ARHGEF28: variants seen among roughly 807,000 people sequenced by gnomAD.
ARHGEF28 encodes the protein Rho guanine nucleotide exchange factor 28.
In ARHGEF28, 152 loss-of-function variants were observed where a neutral mutation model predicts 206.6. That is an observed-to-expected ratio of 0.74 (90% CI 0.64 to 0.84). ARHGEF28 has a LOEUF of 0.84. Ranked by LOEUF, ARHGEF28 falls within the 40% of genes least tolerant of loss-of-function variation. The pLI is 0.00. For synonymous variants in ARHGEF28, 763 were observed against 776.4 expected (o/e 0.98, Z 0.29); for missense variants, 2,028 against 2,073.2 (o/e 0.98, Z 0.42).
At chr5:73,716,721 A>G (rs2112320503) in intron 2 of ARHGEF28, among the ~76,000 whole-genome samples, 1 of 152,332 alleles carries the variant, frequency 6.6e-6, no homozygotes, top group Non-Finnish European at 1.5e-5. Context: ...GTCCGTAGTA[A>G]TATCAGTGCT....
At chr5:73,836,887 A>G (rs1757676667) in intron 10 of ARHGEF28, among the ~76,000 whole-genome samples, 1 of 152,026 alleles carries the variant, frequency 6.6e-6, no homozygotes, top group South Asian at 2.1e-4. Flanking sequence ...GTAGCTATCC[A>G]GTTTTCCTAG....
In ARHGEF28 at chr5:73,868,191, G is replaced by C; in HGVS notation, c.2389G>C (p.Gly797Arg). The C allele has an allele frequency of 6.3e-7, 1 of 1,597,306 alleles. No individual in the cohort carries two copies. Among genetic ancestry groups the C allele is most frequent in the Non-Finnish European group, 8.5e-7 (1 of 1,171,196 alleles). The change falls in exon 20 of 36, where the codon GGC (glycine) becomes CGC (arginine). Residue 797 changes from glycine to arginine, a missense_variant. Physicochemically the swap from Gly to Arg is moderately radical, Grantham distance 125 (BLOSUM62 -2). This residue lies in a region of ARHGEF28 where 1,002 missense variants were observed against 1,015.3 expected (regional missense o/e 0.99). Transcript: ENST00000513042. ...SHSDELLQSMGSSPSTESFIM... is the reference protein window; with the variant it reads ...SHSDELLQSMRSSPSTESFIM... Reference sequence around the variant, plus strand: ...TTCTGATGAGCTGCTACAGTCCATGGGCTCTTCTCCCTCTACAGAGTCTTT... The same window carrying C: ...TTCTGATGAGCTGCTACAGTCCATGCGCTCTTCTCCCTCTACAGAGTCTTT...
At chr5:73,729,880 C>G (rs1750503377) in intron 2 of ARHGEF28, among the ~76,000 whole-genome samples, 1 of 152,140 alleles carries the variant, frequency 6.6e-6, no homozygotes, top group Non-Finnish European at 1.5e-5. Flanking sequence ...GAAATAAGAG[C>G]AAGGAGTAGA....
In ARHGEF28 at chr5:73,909,636, G is replaced by A; in HGVS notation, c.4386G>A (p.Gln1462=). 1 of 1,546,874 alleles carries A rather than the reference G, an allele frequency of 6.5e-7. No individual in the cohort carries two copies. Residue 1462 remains glutamine (Q), a synonymous_variant, in exon 34 of 36, where the codon CAG becomes CAA. Coordinates refer to ENST00000513042, the MANE Select transcript of ARHGEF28 (RefSeq NM_001177693.2). ...RRWLRRCEQQ[Q]RAQATRESWL... Reference sequence around the variant, plus strand: ...GGCTGCGCAGGTGTGAGCAGCAGCAGCGGGCGCAGGCGACCAGGGAGAGCT... The same window carrying A: ...GGCTGCGCAGGTGTGAGCAGCAGCAACGGGCGCAGGCGACCAGGGAGAGCT...
At chr5:73,788,320 G>T (rs1299551192) in intron 7 of ARHGEF28, among the ~76,000 whole-genome samples, 1 of 152,072 alleles carries the variant, frequency 6.6e-6, no homozygotes, top group Non-Finnish European at 1.5e-5. Flanking sequence ...GGAAAATTAT[G>T]CCCTGGCTTC....
chr5:73,930,180 T>C (rs1017961283), intron 35 of ARHGEF28, among the ~76,000 whole-genome samples: 2 of 152,204 alleles, frequency 1.3e-5, no homozygotes, highest in Non-Finnish European at 2.9e-5. Flanking sequence ...CGATGATTGA[T>C]TTTGCTCCAA....
rs181977403 is a variant in ARHGEF28, at chr5:73,941,104, T to C, written c.*91T>C. On this transcript the variant is annotated 3_prime_UTR_variant, in exon 36 of 36. Coordinates refer to ENST00000513042, the MANE Select transcript of ARHGEF28 (RefSeq NM_001177693.2). ...TTCCTTATGTATGTGTGATTGTCTG[T>C]GTCCAAATTGCTTTAAGAATAATAT... The C allele has an allele frequency of 3.8e-4, 453 of 1,206,466 alleles. 4 individuals are homozygous for C. The East Asian group carries it at 0.014, about 36-fold the overall frequency. The allele number at this position is 1,206,466 out of a possible 1,614,324, so 74.7% of individuals were successfully genotyped here. A position where few individuals can be genotyped will look rare whatever the true frequency, so the allele number is the denominator to read the frequency against.
At chr5:73,726,797 C>T (rs967227827) in intron 2 of ARHGEF28, among the ~76,000 whole-genome samples, 3 of 152,160 alleles carry the variant, frequency 2.0e-5, no homozygotes, top group Non-Finnish European at 4.4e-5. Flanking sequence ...TTAAAACTAT[C>T]TTTTTTTCCC....
chr5:73,894,111 A>G (rs1580060983), intron 28 of ARHGEF28, among the ~76,000 whole-genome samples: 3 of 152,136 alleles, frequency 2.0e-5, no homozygotes, highest in Middle Eastern at 6.8e-3. Flanking sequence ...GAACAAACAA[A>G]GAATAGCTTT....
At chr5:73,846,957 T>C (rs926915984) in intron 12 of ARHGEF28, among the ~76,000 whole-genome samples, 9 of 152,234 alleles carry the variant, frequency 5.9e-5, no homozygotes, top group African/African-American at 2.2e-4. Context: ...TTTTGTCAAC[T>C]TTTCCATAGG....
chr5:73,906,087 A>G (rs1762535343), intron 33 of ARHGEF28, among the ~76,000 whole-genome samples: 1 of 152,220 alleles, frequency 6.6e-6, no homozygotes, highest in African/African-American at 2.4e-5. Flanking sequence ...CGACTCTATC[A>G]AGACTTCTTT....
intron 1 of ARHGEF28, among the ~76,000 whole-genome samples, chr5:73,628,919 TTATTATCA>T (rs1197735123): frequency 5.3e-5 from 8 of 152,240 alleles, no homozygotes; most frequent in Non-Finnish European, 1.0e-4. Flanking sequence ...AGTTCTTTTG[TTATTATCA>T]TGGTATTGGA....
intron 2 of ARHGEF28, among the ~76,000 whole-genome samples, chr5:73,746,680 T>A (rs1751737849): frequency 6.6e-6 from 1 of 152,130 alleles, no homozygotes; most frequent in African/African-American, 2.4e-5. Flanking sequence ...TTTTTGCTCC[T>A]AATGGATAGC....
At chr5:73,854,035 G>A (rs1261523146) in intron 14 of ARHGEF28, among the ~76,000 whole-genome samples, 2 of 151,748 alleles carry the variant, frequency 1.3e-5, no homozygotes, top group Non-Finnish European at 2.9e-5. Context: ...TCTTGTTTTT[G>A]TTTTCTGTTC....
At chr5:73,653,380 G>A (rs1319324921) in intron 1 of ARHGEF28, among the ~76,000 whole-genome samples, 2 of 152,210 alleles carry the variant, frequency 1.3e-5, no homozygotes, top group South Asian at 4.1e-4. Flanking sequence ...TATATTGAGT[G>A]AATATTAGTA....
chr5:73,811,302 C>G (rs569512235), intron 9 of ARHGEF28, among the ~76,000 whole-genome samples: 1 of 152,184 alleles, frequency 6.6e-6, no homozygotes, highest in South Asian at 2.1e-4. Context: ...CCCAGAAGTA[C>G]TGTCCTTTTT....
At chr5:73,748,723 A>G (rs1751871254) in intron 2 of ARHGEF28, among the ~76,000 whole-genome samples, 1 of 152,150 alleles carries the variant, frequency 6.6e-6, no homozygotes, top group Non-Finnish European at 1.5e-5. Flanking sequence ...GAGCTCTGGA[A>G]GCCCTCCAAA....
intron 11 of ARHGEF28, among the ~76,000 whole-genome samples, chr5:73,844,280 C>T (rs746559668): frequency 1.1e-4 from 16 of 152,114 alleles, no homozygotes; most frequent in African/African-American, 2.4e-4. Context: ...GATATTATTG[C>T]GGGCTGCCAA....
intron 2 of ARHGEF28, among the ~76,000 whole-genome samples, chr5:73,735,209 A>T (rs1252690766): frequency 6.6e-6 from 1 of 151,220 alleles, no homozygotes; most frequent in Admixed American, 6.6e-5. Flanking sequence ...TAATAAATTA[A>T]TACATTTATT....
Sources: gnomAD v4.1 joint callset for allele counts (sites outside exome capture counted in the v4.1 genomes callset) on GRCh38, gnomAD v4.1.1 for gene constraint, gnomAD v4.1.1 regional missense constraint, MANE v1.5 for transcripts, NCBI Gene and HGNC (gene_info 2026-07-23, HGNC 2026-07-21) for gene names.